The following PNPT1 variants were observed in gnomAD, a reference collection of about 807,000 sequenced individuals.
PNPT1 encodes polyribonucleotide nucleotidyltransferase 1, mitochondrial.
In PNPT1, 53 loss-of-function variants were observed where a neutral mutation model predicts 119.5. The ratio of observed to expected loss-of-function variants is 0.44; its 90% CI spans 0.36 to 0.56. PNPT1 has a LOEUF of 0.56. Among genes scored for constraint, PNPT1 ranks in the 20% least tolerant of loss-of-function variants. PNPT1 has a pLI of 0.00. For missense variants in PNPT1, 948 were observed against 938.5 expected (o/e 1.01, Z -0.13); for synonymous variants, 357 against 322.1 (o/e 1.11, Z -1.16).
intron 1 of PNPT1, among the ~76,000 whole-genome samples, chr2:55,691,513 C>T (rs189419795): frequency 3.4e-4 from 51 of 152,136 alleles, no homozygotes; most frequent in Middle Eastern, 3.4e-3. Context: ...ACACATGACA[C>T]GAGTTTAAAA....
At chr2:55,683,926 T>C in intron 4 of PNPT1, 92 bp from the exon 5 acceptor site, 1 of 1,266,534 alleles carries the variant, frequency 7.9e-7, no homozygotes. Context: ...CCATTCAATA[T>C]GTTTTCAAGA....
At chr2:55,682,395 A>G (rs1299544723) in intron 5 of PNPT1, among the ~76,000 whole-genome samples, 1 of 151,842 alleles carries the variant, frequency 6.6e-6, no homozygotes, top group Non-Finnish European at 1.5e-5. Flanking sequence ...TGGGAGGCAG[A>G]GATTGCAGTG....
intron 27 of PNPT1, 26 bp downstream of exon 27, chr2:55,637,526 A>C: frequency 5.7e-6 from 9 of 1,570,348 alleles, no homozygotes; most frequent in Non-Finnish European, 7.9e-6. Flanking sequence ...TTACAACTTC[A>C]AGGCTAAAAG....
chr2:55,641,893 G>C (rs1259284976), intron 25 of PNPT1, among the ~76,000 whole-genome samples: 2 of 151,418 alleles, frequency 1.3e-5, no homozygotes, highest in Admixed American at 1.3e-4. Context: ...CCAGGCTGGA[G>C]TGCAGTGGTG....
At position 55,643,369 on chromosome 2, in the gene PNPT1, T is replaced by G. The variant is rs1333822600; in HGVS notation, c.1963A>C (p.Ser655Arg). Residue 655 changes from serine (S) to arginine (R), a missense_variant, in exon 24 of 28, where the codon AGT (serine) becomes CGT (arginine). Transcript: ENST00000447944. Reference sequence around the variant, plus strand: ...AAGTCTCTTGCCTCATGCATAGCACTGGGTGTTGGTGCAAATACAGAAAAC... The same window carrying G: ...AAGTCTCTTGCCTCATGCATAGCACGGGGTGTTGGTGCAAATACAGAAAAC... ...ETFSVFAPTP[S>R]AMHEARDFIT... is the part of the protein sequence containing the mutation. 3 of 1,614,230 alleles carry G rather than the reference T, an allele frequency of 1.9e-6. No homozygotes were observed. The South Asian group carries it at 3.3e-5, about 18-fold the overall frequency.
chr2:55,681,735 C>T (rs973579461), intron 5 of PNPT1, among the ~76,000 whole-genome samples: 1 of 150,750 alleles, frequency 6.6e-6, no homozygotes, highest in Non-Finnish European at 1.5e-5. Flanking sequence ...ATCCCAGCTA[C>T]TAGGGAGGCT....
intron 8 of PNPT1, among the ~76,000 whole-genome samples, chr2:55,674,335 T>C (rs977551104): frequency 6.6e-6 from 1 of 152,214 alleles, no homozygotes; most frequent in African/African-American, 2.4e-5. Context: ...GGCTCACACC[T>C]GTAATCCCAG....
intron 5 of PNPT1, among the ~76,000 whole-genome samples, chr2:55,681,871 G>A (rs1228645389): frequency 6.6e-6 from 1 of 151,134 alleles, no homozygotes; most frequent in Non-Finnish European, 1.5e-5. Context: ...GCTGGGCGCG[G>A]TGGCTCACGC....
rs372134027 is a variant in PNPT1, at chr2:55,651,901, A to C, written c.1495+2999T>G. 2.0e-3 allele frequency among the ~76,000 whole-genome samples: 306 copies of C among 151,482 alleles called. 2 individuals are homozygous for C. Among genetic ancestry groups the C allele is most frequent in the South Asian group, 0.011 (54 of 4,800 alleles). On this transcript the variant is annotated intron_variant, in intron 18 of 27. Transcript: ENST00000447944. Reference sequence around the variant, plus strand: ...AAGGAAAGTCAAAAAAAAAAAAAAAAAAACAATAACCTTCAACATATGGTT... The same window carrying C: ...AAGGAAAGTCAAAAAAAAAAAAAAACAAACAATAACCTTCAACATATGGTT...
chr2:55,676,141 T>C (rs759403446), intron 8 of PNPT1, among the ~76,000 whole-genome samples: 3 of 151,126 alleles, frequency 2.0e-5, no homozygotes, highest in African/African-American at 7.3e-5. Context: ...ACGCCTGTAG[T>C]CCCAGCTACT....
intron 18 of PNPT1, among the ~76,000 whole-genome samples, chr2:55,652,182 G>C (rs11302120): frequency 2.3e-5 from 1 of 43,230 alleles, no homozygotes; most frequent in African/African-American, 5.5e-5. Context: ...GTATCTTTTT[G>C]TTTTCAAACC....
chr2:55,675,871 C>T (rs1221485327), intron 8 of PNPT1, among the ~76,000 whole-genome samples: 2 of 152,170 alleles, frequency 1.3e-5, no homozygotes, highest in African/African-American at 2.4e-5. Flanking sequence ...TGCTAAGTAG[C>T]CACATGATCA....
At chr2:55,689,751 TA>T (rs1161742454) in intron 1 of PNPT1, among the ~76,000 whole-genome samples, 1 of 152,252 alleles carries the variant, frequency 6.6e-6, no homozygotes, top group Non-Finnish European at 1.5e-5. Context: ...AGAAGTGTTC[TA>T]AAATTGATGG....
At chr2:55,688,308 G>A (rs1194454350) in intron 1 of PNPT1, among the ~76,000 whole-genome samples, 1 of 152,056 alleles carries the variant, frequency 6.6e-6, no homozygotes. Flanking sequence ...CCAAAGTGCT[G>A]GGATTACAGG....
chr2:55,651,564 C>G (rs868378962), intron 18 of PNPT1, among the ~76,000 whole-genome samples: 11 of 152,044 alleles, frequency 7.2e-5, no homozygotes, highest in Admixed American at 1.3e-4. Context: ...GTTAAACAGA[C>G]GCTTGAAGGC....
chr2:55,685,981 T>C (rs1182150136), intron 3 of PNPT1, among the ~76,000 whole-genome samples: 1 of 152,082 alleles, frequency 6.6e-6, no homozygotes, highest in African/African-American at 2.4e-5. Context: ...ATGCAATTTT[T>C]CCCCCAATAT....
At chr2:55,683,429 A>G (rs1697306757) in intron 5 of PNPT1, among the ~76,000 whole-genome samples, 1 of 152,140 alleles carries the variant, frequency 6.6e-6, no homozygotes, top group African/African-American at 2.4e-5. Flanking sequence ...CCTGACCAAC[A>G]TGGTGAAAAC....
chr2:55,683,710 C>T, intron 5 of PNPT1, 75 bp downstream of exon 5: 3 of 1,337,918 alleles, frequency 2.2e-6, no homozygotes, highest in Non-Finnish European at 3.1e-6. Context: ...AATGTTTACT[C>T]TAGGAAATAT....
chr2:55,643,952 C>A (rs953290097), intron 23 of PNPT1, among the ~76,000 whole-genome samples: 1 of 152,102 alleles, frequency 6.6e-6, no homozygotes, highest in Non-Finnish European at 1.5e-5. Flanking sequence ...CAATGGTGAG[C>A]CAATATGCTT....
Sources: gnomAD v4.1 joint callset for allele counts (sites outside exome capture counted in the v4.1 genomes callset) on GRCh38, gnomAD v4.1.1 for gene constraint, MANE v1.5 for transcripts, NCBI Gene and HGNC (gene_info 2026-07-23, HGNC 2026-07-21) for gene names.